The following CDH13 variants were observed in gnomAD, a reference collection of about 807,000 sequenced individuals.
CDH13 encodes cadherin 13.
CDH13 carries 24 observed loss-of-function variants against 63.8 expected under a neutral mutation model. The ratio of observed to expected loss-of-function variants is 0.38; its 90% CI spans 0.27 to 0.53. CDH13 has a LOEUF of 0.53. CDH13 is among the 20% of genes least tolerant of loss of function. CDH13 has a pLI of 0.85. For synonymous variants in CDH13, 503 were observed against 355.3 expected (o/e 1.42, Z -4.67); for missense variants, 1,049 against 903.1 (o/e 1.16, Z -2.07).
chr16:82,738,363 T>G (rs749830491), intron 1 of CDH13, among the ~76,000 whole-genome samples: 1 of 152,236 alleles, frequency 6.6e-6, no homozygotes, highest in Non-Finnish European at 1.5e-5. Context: ...ACTCTAGGAA[T>G]GTGAAAATGT....
Position 82,823,486 on chromosome 16 carries a change from AG to A in CDH13, c.46-34875del, listed in dbSNP as rs565268524. 211 of 152,354 alleles carry A rather than the reference AG, an allele frequency of 1.4e-3. 2 individuals carry two copies. The highest frequency in any genetic ancestry group is 4.7e-3 in the African/African-American group (194 of 41,590). 9.4% of individuals were successfully genotyped at this position (152,354 alleles called of 1,614,324 possible). ...TAAAAAGCCTATTCTAAAATTCAAA[AG>A]TCAGAGAAACAATTGAACCTAAGTG... On this transcript the variant is annotated intron_variant, in intron 1 of 13. Transcript: ENST00000567109.
At position 83,267,453 on chromosome 16, in the gene CDH13, G is replaced by A. The variant is rs567875574; in HGVS notation, c.636+49956G>A. Among the ~76,000 whole-genome samples, 15 of 152,238 alleles carry A rather than the reference G, an allele frequency of 9.9e-5. No homozygotes were observed. In the East Asian group the frequency reaches 1.7e-3, roughly 18 times the overall value. ...AGCAGCTCTCCCTTTCTGTGTGTGCGATGATTTAAATGCCCTCTCCAAAAC... is the reference window on the plus strand; with the variant it reads ...AGCAGCTCTCCCTTTCTGTGTGTGCAATGATTTAAATGCCCTCTCCAAAAC... On this transcript the variant is annotated intron_variant, in intron 5 of 13. Transcript: ENST00000567109.
intron 7 of CDH13, among the ~76,000 whole-genome samples, chr16:83,568,245 A>T (rs1904305278): frequency 6.6e-6 from 1 of 152,220 alleles, no homozygotes; most frequent in Admixed American, 6.5e-5. Context: ...AGCTGTCGAG[A>T]TGAAAAATGA....
chr16:83,341,186 A>T (rs2090713548), intron 5 of CDH13, among the ~76,000 whole-genome samples: 1 of 152,228 alleles, frequency 6.6e-6, no homozygotes, highest in East Asian at 1.9e-4. Context: ...CTATCATGTA[A>T]TTCAAAGGAA....
intron 6 of CDH13, among the ~76,000 whole-genome samples, chr16:83,421,905 G>A (rs2071727284): frequency 6.6e-6 from 1 of 152,196 alleles, no homozygotes; most frequent in African/African-American, 2.4e-5. Flanking sequence ...CATGAAAGCA[G>A]GAAACAAAGT....
intron 2 of CDH13, among the ~76,000 whole-genome samples, chr16:82,971,684 T>C (rs931424568): frequency 5.3e-5 from 8 of 152,240 alleles, no homozygotes; most frequent in Non-Finnish European, 8.8e-5. Context: ...ATTCAAATGG[T>C]TTCTTTCTAG....
intron 8 of CDH13, among the ~76,000 whole-genome samples, chr16:83,634,963 T>C (rs998513025): frequency 6.6e-5 from 10 of 152,214 alleles, no homozygotes; most frequent in Admixed American, 2.0e-4. Context: ...CTGGATCATA[T>C]ATTAAGTGCA....
In CDH13 at chr16:83,201,395, AC is replaced by A. The variant is rs1404553639; in HGVS notation, c.484-15949del. On this transcript the variant is annotated intron_variant, in intron 4 of 13. Coordinates refer to ENST00000567109, the MANE Select transcript of CDH13 (RefSeq NM_001257.5). Reference sequence around the variant, plus strand: ...CAAGGATGATGCTGGAAGGAAAGGCACTACTTTCTTTCAATAAGGTGGCCAG... The same window carrying A: ...CAAGGATGATGCTGGAAGGAAAGGCATACTTTCTTTCAATAAGGTGGCCAG... Among the ~76,000 whole-genome samples, 1,226 of 152,286 alleles carry A rather than the reference AC, an allele frequency of 8.1e-3. 14 individuals are homozygous for A. The highest frequency in any genetic ancestry group is 0.028 in the African/African-American group (1,177 of 41,550).
At chr16:83,232,545 C>CAAAAAAAAA (rs371820662) in intron 5 of CDH13, among the ~76,000 whole-genome samples, 2 of 107,946 alleles carry the variant, frequency 1.9e-5, no homozygotes, top group East Asian at 2.1e-4. Context: ...ACAACAACAA[C>CAAAAAAAAA]AAACAAACAA....
chr16:83,510,587 T>C (rs769783470), intron 7 of CDH13, among the ~76,000 whole-genome samples: 1 of 152,198 alleles, frequency 6.6e-6, no homozygotes, highest in Non-Finnish European at 1.5e-5. Flanking sequence ...GCTGCAGTAG[T>C]TGTGAAATCC....
At position 82,704,562 on chromosome 16, in the gene CDH13, T is replaced by A. The variant is rs147041357; in HGVS notation, c.45+77425T>A. Among the ~76,000 whole-genome samples, 241 of 152,296 alleles carry A rather than the reference T, an allele frequency of 1.6e-3. 1 individual carries two copies. Among genetic ancestry groups the A allele is most frequent in the African/African-American group, 4.1e-3 (172 of 41,556 alleles). ...AATAACCACAGTGCCTTGCTATTGG[T>A]GCTGTCCAAGGTGGGTGCTGTGAAG... On this transcript the variant is annotated intron_variant, in intron 1 of 13. Coordinates refer to ENST00000567109, the MANE Select transcript of CDH13 (RefSeq NM_001257.5).
chr16:83,390,339 A>G (rs2091761974), intron 6 of CDH13, among the ~76,000 whole-genome samples: 2 of 152,188 alleles, frequency 1.3e-5, no homozygotes, highest in South Asian at 4.1e-4. Flanking sequence ...AACCCTGCAT[A>G]TGCCATAATT....
At chr16:83,321,358 T>A (rs550786332) in intron 5 of CDH13, among the ~76,000 whole-genome samples, 1 of 152,178 alleles carries the variant, frequency 6.6e-6, no homozygotes, top group East Asian at 1.9e-4. Flanking sequence ...GTTGATCAAC[T>A]TGGAGGCACG....
intron 1 of CDH13, among the ~76,000 whole-genome samples, chr16:82,662,614 C>G (rs1047821015): frequency 6.6e-6 from 1 of 152,308 alleles, no homozygotes; most frequent in Non-Finnish European, 1.5e-5. Context: ...CCTGCTTTTC[C>G]TGAATGTCCT....
chr16:83,229,326 T>A (rs7196902), intron 5 of CDH13, among the ~76,000 whole-genome samples: 54 of 152,148 alleles, frequency 3.5e-4, no homozygotes, highest in African/African-American at 1.0e-3. Context: ...TCCCTGGAGC[T>A]CTGCCTTCAA....
intron 6 of CDH13, among the ~76,000 whole-genome samples, chr16:83,367,132 C>G (rs1043629701): frequency 2.0e-5 from 3 of 152,146 alleles, no homozygotes; most frequent in African/African-American, 7.2e-5. Context: ...CTCATTTCCT[C>G]GAAAACTCTT....
chr16:83,788,947 G>A (rs538094409), intron 13 of CDH13, among the ~76,000 whole-genome samples: 1 of 152,232 alleles, frequency 6.6e-6, no homozygotes, highest in South Asian at 2.1e-4. Context: ...GTTAAAAACA[G>A]GTGTTACCAC....
chr16:83,487,336 A>G (rs2073913013), intron 7 of CDH13, among the ~76,000 whole-genome samples: 1 of 152,154 alleles, frequency 6.6e-6, no homozygotes, highest in Non-Finnish European at 1.5e-5. Flanking sequence ...GCCAATTTCC[A>G]GTTTTTCTGG....
intron 10 of CDH13, among the ~76,000 whole-genome samples, chr16:83,689,875 A>T (rs1474561569): frequency 6.6e-6 from 1 of 152,238 alleles, no homozygotes; most frequent in Non-Finnish European, 1.5e-5. Flanking sequence ...GGGATAAAGT[A>T]GCCCCAGAAA....
Sources: allele counts gnomAD v4.1 joint callset (sites outside exome capture counted in the v4.1 genomes callset), GRCh38; gene constraint gnomAD v4.1.1; transcripts MANE v1.5; gene names NCBI Gene and HGNC (gene_info 2026-07-23, HGNC 2026-07-21).